Variants in SORCS1 observed in about 807,000 individuals in gnomAD.
The protein encoded by SORCS1 is VPS10 domain-containing receptor SorCS1.
In SORCS1, 60 loss-of-function variants were observed where a neutral mutation model predicts 146.1. The ratio of observed to expected loss-of-function variants is 0.41; its 90% CI spans 0.33 to 0.51. SORCS1 has a LOEUF of 0.51. SORCS1 is among the 20% of genes least tolerant of loss of function. The pLI is 0.21. For missense variants in SORCS1, 1,352 were observed against 1,487.6 expected, an observed-to-expected ratio of 0.91 and a Z score of 1.50; for synonymous variants, 637 against 584.0, an observed-to-expected ratio of 1.09 and a Z score of -1.31.
intron 2 of SORCS1, among the ~76,000 whole-genome samples, chr10:106,859,756 C>A (rs895457802): frequency 9.9e-5 from 15 of 152,180 alleles, no homozygotes; most frequent in African/African-American, 3.6e-4. Context: ...CTCCTTTATA[C>A]TGTATGTGAT....
chr10:106,750,918 G>C (rs1179823102), intron 5 of SORCS1, among the ~76,000 whole-genome samples: 11 of 149,588 alleles, frequency 7.4e-5, no homozygotes, highest in African/African-American at 2.7e-4. Context: ...AAATCAGCTG[G>C]GCGTGGTGGC....
intron 2 of SORCS1, among the ~76,000 whole-genome samples, chr10:106,860,519 G>A (rs963003608): frequency 6.6e-6 from 1 of 152,186 alleles, no homozygotes; most frequent in Non-Finnish European, 1.5e-5. Flanking sequence ...AACATCGCAC[G>A]AGTTAAGTAC....
chr10:106,822,251 G>T (rs545441955), intron 3 of SORCS1, among the ~76,000 whole-genome samples: 16 of 152,084 alleles, frequency 1.1e-4, no homozygotes, highest in Non-Finnish European at 2.4e-4. Context: ...TGTTATAATA[G>T]GTGCTTTGAT....
intron 4 of SORCS1, among the ~76,000 whole-genome samples, chr10:106,773,643 T>C (rs1242306508): frequency 2.0e-5 from 3 of 152,114 alleles, no homozygotes; most frequent in Non-Finnish European, 2.9e-5. Flanking sequence ...CATCTCAAAA[T>C]ATCACCTTCA....
intron 6 of SORCS1, among the ~76,000 whole-genome samples, chr10:106,726,613 G>A (rs1455006660): frequency 1.3e-5 from 2 of 152,070 alleles, no homozygotes; most frequent in African/African-American, 2.4e-5. Context: ...ATGCCCAAAA[G>A]CTTGAAAATG....
chr10:107,138,400 T>G (rs554373516), intron 1 of SORCS1, among the ~76,000 whole-genome samples: 1 of 152,338 alleles, frequency 6.6e-6, no homozygotes, highest in Non-Finnish European at 1.5e-5. Flanking sequence ...AGAGAATGTG[T>G]TTTCTTACTG....
intron 18 of SORCS1, among the ~76,000 whole-genome samples, chr10:106,640,410 G>T (rs1848999385): frequency 6.6e-6 from 1 of 152,224 alleles, no homozygotes; most frequent in African/African-American, 2.4e-5. Flanking sequence ...TATGTAAATT[G>T]AAGTATTAAG....
chr10:106,766,078 G>A (rs1859546069), intron 4 of SORCS1, among the ~76,000 whole-genome samples: 1 of 152,158 alleles, frequency 6.6e-6, no homozygotes, highest in Non-Finnish European at 1.5e-5. Flanking sequence ...CCCGGTCAAG[G>A]GGTAGTTTCC....
At chr10:106,838,695 C>G (rs1042161411) in intron 2 of SORCS1, among the ~76,000 whole-genome samples, 7 of 152,116 alleles carry the variant, frequency 4.6e-5, no homozygotes, top group African/African-American at 1.7e-4. Context: ...TTTTATTGCA[C>G]TTTATTTTAC....
intron 23 of SORCS1, among the ~76,000 whole-genome samples, chr10:106,597,944 A>G (rs957730078): frequency 6.6e-6 from 1 of 152,168 alleles, no homozygotes; most frequent in Admixed American, 6.5e-5. Context: ...TACAGCCACA[A>G]CGTAAGTAAC....
intron 3 of SORCS1, among the ~76,000 whole-genome samples, chr10:106,804,678 T>C (rs1947076387): frequency 6.6e-6 from 1 of 152,124 alleles, no homozygotes; most frequent in South Asian, 2.1e-4. Context: ...AAGATAAGCT[T>C]CAGTTATCTA....
chr10:106,741,322 G>A (rs1857344604), intron 5 of SORCS1, among the ~76,000 whole-genome samples: 1 of 152,222 alleles, frequency 6.6e-6, no homozygotes, highest in Non-Finnish European at 1.5e-5. Context: ...GGAGAAGCCA[G>A]ACGTGATGAC....
intron 1 of SORCS1, among the ~76,000 whole-genome samples, chr10:106,994,769 T>C (rs1035279528): frequency 6.6e-6 from 1 of 152,156 alleles, no homozygotes; most frequent in Non-Finnish European, 1.5e-5. Flanking sequence ...GTGCTGAATA[T>C]TTTTGAAGAG....
intron 2 of SORCS1, among the ~76,000 whole-genome samples, chr10:106,894,202 C>A (rs1212808542): frequency 6.6e-6 from 1 of 151,368 alleles, no homozygotes; most frequent in Non-Finnish European, 1.5e-5. Context: ...TGGGAAAATC[C>A]GTCAGCATGT....
At chr10:106,692,153 C>T (rs1313111877) in intron 9 of SORCS1, among the ~76,000 whole-genome samples, 1 of 152,026 alleles carries the variant, frequency 6.6e-6, no homozygotes, top group Non-Finnish European at 1.5e-5. Context: ...GCGATCCTCC[C>T]ACCTCAGCCT....
intron 1 of SORCS1, among the ~76,000 whole-genome samples, chr10:106,959,391 G>A (rs187332923): frequency 2.0e-4 from 30 of 152,292 alleles, no homozygotes; most frequent in Non-Finnish European, 3.8e-4. Flanking sequence ...GATTATTTGA[G>A]ATTTCTTTTT....
intron 2 of SORCS1, among the ~76,000 whole-genome samples, chr10:106,920,814 G>A (rs1026743524): frequency 6.6e-6 from 1 of 152,084 alleles, no homozygotes; most frequent in African/African-American, 2.4e-5. Flanking sequence ...TTATGACCTG[G>A]ATGGGTGCAT....
intron 18 of SORCS1, among the ~76,000 whole-genome samples, chr10:106,639,791 A>G (rs765473928): frequency 1.2e-4 from 19 of 152,112 alleles, no homozygotes; most frequent in Non-Finnish European, 2.9e-5. Flanking sequence ...AGAAACTGAT[A>G]CCTGCCTCAC....
intron 5 of SORCS1, among the ~76,000 whole-genome samples, chr10:106,736,875 A>T (rs1856985067): frequency 6.6e-6 from 1 of 152,210 alleles, no homozygotes; most frequent in South Asian, 2.1e-4. Flanking sequence ...AGATCAATAG[A>T]TAAACAGACA....
Sources: allele counts gnomAD v4.1 joint callset (sites outside exome capture counted in the v4.1 genomes callset), GRCh38; gene constraint gnomAD v4.1.1; transcripts MANE v1.5; gene names NCBI Gene and HGNC (gene_info 2026-07-23, HGNC 2026-07-21).